GALNT13: variants seen among roughly 807,000 people sequenced by gnomAD.
The protein encoded by GALNT13 is polypeptide N-acetylgalactosaminyltransferase 13, also known as UDP-GalNAc:polypeptide N-acetylgalactosaminyltransferase 13.
A neutral mutation model predicts 64.2 loss-of-function variants in GALNT13; 28 were observed. That is an observed-to-expected ratio of 0.44 (90% CI 0.32 to 0.60). The LOEUF (loss-of-function observed/expected upper bound fraction) is 0.60, where lower values mean the gene tolerates loss of function less well. Among genes scored for constraint, GALNT13 ranks in the 20% least tolerant of loss-of-function variants. The probability of loss-of-function intolerance (pLI) is 0.05; values close to 1 mark genes in which losing one functional copy is unlikely to be tolerated. For missense variants in GALNT13, 577 were observed against 669.8 expected, an observed-to-expected ratio of 0.86 and a Z score of 1.53; for synonymous variants, 214 against 224.6, an observed-to-expected ratio of 0.95 and a Z score of 0.42.
the GALNT13 span, among the ~76,000 whole-genome samples, chr2:153,288,639 C>T: frequency 1.3e-5 from 2 of 152,164 alleles, no homozygotes; most frequent in African/African-American, 4.8e-5. Flanking sequence ...CCTTAATTTA[C>T]CAAATAACGG....
chr2:154,150,606 A>C (rs1448456795), intron 4 of GALNT13, among the ~76,000 whole-genome samples: 1 of 152,040 alleles, frequency 6.6e-6, no homozygotes, highest in Non-Finnish European at 1.5e-5. Context: ...ACAATTTCAG[A>C]GCCTGTTATT....
intron 4 of GALNT13, among the ~76,000 whole-genome samples, chr2:154,148,348 C>A (rs1251849630): frequency 6.6e-6 from 1 of 152,012 alleles, no homozygotes; most frequent in African/African-American, 2.4e-5. Context: ...GGGTTGGTTC[C>A]AAGTCTTTGC....
chr2:153,564,913 C>A, the GALNT13 span, among the ~76,000 whole-genome samples: 8 of 152,192 alleles, frequency 5.3e-5, no homozygotes, highest in South Asian at 1.5e-3. Context: ...AACAAAGAGC[C>A]AAATTGTAAA....
chr2:153,153,882 C>CT, the GALNT13 span, among the ~76,000 whole-genome samples: 4 of 151,818 alleles, frequency 2.6e-5, no homozygotes, highest in South Asian at 4.2e-4. Context: ...GTTATTCTGG[C>CT]TTTTTTTGGT....
At chr2:153,093,991 T>A in the GALNT13 span, among the ~76,000 whole-genome samples, 1 of 152,148 alleles carries the variant, frequency 6.6e-6, no homozygotes, top group African/African-American at 2.4e-5. Context: ...CCACTAATGA[T>A]CCTTTGAATT....
the GALNT13 span, among the ~76,000 whole-genome samples, chr2:153,856,245 C>G: frequency 1.5e-4 from 1 of 6,798 alleles, no homozygotes; most frequent in Non-Finnish European, 2.6e-4. Flanking sequence ...CTCAATAAAG[C>G]TGTGATAGGT....
chr2:153,893,912 A>C (rs1687726533), intron 1 of GALNT13, among the ~76,000 whole-genome samples: 1 of 152,124 alleles, frequency 6.6e-6, no homozygotes. Flanking sequence ...TGCAAAGGAA[A>C]AGGCAGCATT....
chr2:153,136,724 C>T, the GALNT13 span, among the ~76,000 whole-genome samples: 15 of 152,120 alleles, frequency 9.9e-5, no homozygotes, highest in Non-Finnish European at 1.6e-4. Flanking sequence ...AAGACAGAGA[C>T]GTTACTACAT....
At chr2:154,054,104 C>CAG (rs1268962342) in intron 3 of GALNT13, among the ~76,000 whole-genome samples, 2 of 151,982 alleles carry the variant, frequency 1.3e-5, no homozygotes, top group Non-Finnish European at 2.9e-5. Flanking sequence ...TATTCTTGCA[C>CAG]AGAGCTCTTT....
intron 4 of GALNT13, among the ~76,000 whole-genome samples, chr2:154,226,886 A>G (rs1351333392): frequency 6.6e-6 from 1 of 152,132 alleles, no homozygotes; most frequent in East Asian, 1.9e-4. Context: ...TTTTATATTT[A>G]TTGGCATTAG....
At chr2:153,430,956 C>T in the GALNT13 span, among the ~76,000 whole-genome samples, 2 of 151,932 alleles carry the variant, frequency 1.3e-5, no homozygotes, top group South Asian at 2.1e-4. Context: ...TCGAGACCAG[C>T]CTGGCCAACA....
chr2:153,540,223 A>T, the GALNT13 span, among the ~76,000 whole-genome samples: 4 of 152,234 alleles, frequency 2.6e-5, no homozygotes, highest in Non-Finnish European at 5.9e-5. Flanking sequence ...AAAGGGGCCA[A>T]GGTACAGCTC....
chr2:154,229,953 T>C (rs1372633179), intron 4 of GALNT13, among the ~76,000 whole-genome samples: 3 of 152,134 alleles, frequency 2.0e-5, no homozygotes, highest in Admixed American at 2.0e-4. Context: ...TTGTCTGCCA[T>C]GAGGAGAATA....
the GALNT13 span, among the ~76,000 whole-genome samples, chr2:153,509,025 T>A: frequency 2.0e-5 from 3 of 152,182 alleles, no homozygotes; most frequent in African/African-American, 7.2e-5. Context: ...GTTTAAGGTT[T>A]GGGGAAATTA....
intron 1 of GALNT13, among the ~76,000 whole-genome samples, chr2:153,872,629 G>GCGGA (rs1226886344): frequency 1.5e-5 from 1 of 65,384 alleles, no homozygotes. Flanking sequence ...CGGGGGGGGG[G>GCGGA]GGGGGAGCGG....
the GALNT13 span, among the ~76,000 whole-genome samples, chr2:153,311,808 T>C: frequency 3.3e-5 from 5 of 152,346 alleles, no homozygotes; most frequent in Admixed American, 3.3e-4. Context: ...TGCCATACTC[T>C]ATTCTTTTGA....
chr2:153,521,565 T>G, the GALNT13 span, among the ~76,000 whole-genome samples: 1 of 152,290 alleles, frequency 6.6e-6, no homozygotes, highest in South Asian at 2.1e-4. Flanking sequence ...GTCCATAGTT[T>G]ACATCAGGCT....
chr2:153,731,478 T>G, the GALNT13 span, among the ~76,000 whole-genome samples: 1 of 151,928 alleles, frequency 6.6e-6, no homozygotes, highest in African/African-American at 2.4e-5. Flanking sequence ...ACTGTACTTG[T>G]ACACCCTGAA....
chr2:153,976,246 G>A (rs1271844071), intron 3 of GALNT13, among the ~76,000 whole-genome samples: 1 of 151,416 alleles, frequency 6.6e-6, no homozygotes, highest in East Asian at 1.9e-4. Flanking sequence ...AACATAATGG[G>A]TACTCAATAA....
Sources: allele counts gnomAD v4.1 joint callset (sites outside exome capture counted in the v4.1 genomes callset), GRCh38; gene constraint gnomAD v4.1.1; transcripts MANE v1.5; gene names NCBI Gene and HGNC (gene_info 2026-07-23, HGNC 2026-07-21).